UNC13B: variants seen among roughly 807,000 people sequenced by gnomAD.
The protein encoded by UNC13B is protein unc-13 homolog B.
UNC13B carries 144 observed loss-of-function variants against 211.0 expected under a neutral mutation model. That is an observed-to-expected ratio of 0.68 (90% confidence interval 0.60 to 0.78). The LOEUF is 0.78. UNC13B is among the 30% of genes least tolerant of loss of function. The probability of loss-of-function intolerance (pLI) is 0.00; values close to 1 mark genes in which losing one functional copy is unlikely to be tolerated. For synonymous variants in UNC13B, 709 were observed against 725.8 expected, an observed-to-expected ratio of 0.98 and a Z score of 0.37; for missense variants, 1,777 against 2,002.0, an observed-to-expected ratio of 0.89 and a Z score of 2.14.
intron 1 of UNC13B, among the ~76,000 whole-genome samples, chr9:35,223,904 T>C (rs769826762): frequency 5.3e-5 from 8 of 152,204 alleles, no homozygotes; most frequent in Non-Finnish European, 1.0e-4. Context: ...TTATTGAAGA[T>C]ATTATACTTT....
intron 17 of UNC13B, among the ~76,000 whole-genome samples, chr9:35,378,985 T>C (rs893128538): frequency 6.6e-6 from 1 of 152,190 alleles, no homozygotes; most frequent in African/African-American, 2.4e-5. Context: ...TCTTACAAAC[T>C]ATTTCTTATG....
chr9:35,392,190 C>T (rs1296293491), intron 26 of UNC13B, among the ~76,000 whole-genome samples: 2 of 152,174 alleles, frequency 1.3e-5, no homozygotes, highest in African/African-American at 4.8e-5. Flanking sequence ...CTGGCACTTA[C>T]TCAGCACTGA....
Position 35,398,568 on chromosome 9 carries a change from T to C in UNC13B, c.11847T>C (p.Ala3949=), listed in dbSNP as rs1564198484. ...TGTGAATACAGCTGGACCTTGAAGC[T>C]GCAGACAGTCTGAAGGAGCTGCAGG... is the stretch of plus-strand genomic sequence containing the variant. ...AMGGKELDLE[A]ADSLKELQVK... The change falls in exon 32 of 40, where the codon GCT becomes GCC. Residue 3949 remains alanine, a synonymous_variant. Transcript: ENST00000635942. 3.7e-6 allele frequency: 6 copies of C among 1,614,028 alleles called. No individual in the cohort carries two copies. The highest frequency in any genetic ancestry group is 4.2e-6 in the Non-Finnish European group (5 of 1,180,008).
chr9:35,325,321 C>T (rs1012808089), intron 11 of UNC13B, among the ~76,000 whole-genome samples: 2 of 152,116 alleles, frequency 1.3e-5, no homozygotes, highest in African/African-American at 4.8e-5. Context: ...TACCCATTCT[C>T]GCCTATTCTC....
chr9:35,177,691 A>G (rs1423210111), intron 1 of UNC13B, among the ~76,000 whole-genome samples: 3 of 152,204 alleles, frequency 2.0e-5, no homozygotes, highest in South Asian at 4.1e-4. Flanking sequence ...GCACTTAACT[A>G]TGGGTGAGGC....
chr9:35,201,627 G>T (rs1212317449), intron 1 of UNC13B, among the ~76,000 whole-genome samples: 1 of 152,162 alleles, frequency 6.6e-6, no homozygotes, highest in African/African-American at 2.4e-5. Context: ...TTGCATAGAG[G>T]TGTTTATATT....
chr9:35,302,563 T>C lies in UNC13B; in HGVS notation c.3159T>C (p.Asp1053=), dbSNP rs1323565408. The part of the protein sequence containing the change: ...KSDSVTNINN[D]LGKFGNIEEL... ...ATTCAGTTACAAATATTAATAATGA[T>C]CTGGGGAAATTTGGGAATATAGAGG... is the stretch of plus-strand genomic sequence containing the variant. Residue 1053 remains aspartate (D), a synonymous_variant, in exon 9 of 40, where the codon GAT becomes GAC. Transcript: ENST00000635942. 1.3e-5 allele frequency: 5 copies of C among 398,478 alleles called. No homozygotes were observed. Among genetic ancestry groups the C allele is most frequent in the African/African-American group, 6.2e-5 (3 of 48,594 alleles). The allele number at this position is 398,478 out of a possible 1,614,324, so 24.7% of individuals were successfully genotyped here. A position where few individuals can be genotyped will look rare whatever the true frequency, so the allele number is the denominator to read the frequency against.
intron 20 of UNC13B, among the ~76,000 whole-genome samples, 194 bp downstream of exon 20, chr9:35,381,913 C>T (rs1206807830): frequency 1.3e-5 from 2 of 152,176 alleles, no homozygotes. Context: ...TTGTAACTCA[C>T]AGAAAAGGTA....
At chr9:35,254,586 A>G (rs561557936) in intron 6 of UNC13B, among the ~76,000 whole-genome samples, 1 of 152,172 alleles carries the variant, frequency 6.6e-6, no homozygotes, top group Admixed American at 6.5e-5. Context: ...TTTTTTCTCC[A>G]TGTAGGTATT....
rs183760747 is a variant in UNC13B at position 35,404,918 on chromosome 9, G to C, written c.*885G>C. 67 of 152,864 alleles carry C rather than the reference G, an allele frequency of 4.4e-4. 1 individual carries two copies. Among genetic ancestry groups the C allele is most frequent in the African/African-American group, 1.6e-3 (66 of 41,584 alleles). 9.5% of individuals were successfully genotyped at this position (152,864 alleles called of 1,614,324 possible). A position where few individuals can be genotyped will look rare whatever the true frequency, so the allele number is the denominator to read the frequency against. The stretch of plus-strand genomic sequence containing the variant: ...AGTCTAGAAAAAGTCCTGCTCATCT[G>C]TGGCCACTGCCTTCTAGCCGTCCTC... On this transcript the variant is annotated 3_prime_UTR_variant, in exon 40 of 40. Transcript: ENST00000635942.
At chr9:35,397,109 A>G (rs1835934382) in intron 28 of UNC13B, 58 bp from the exon 29 acceptor site, 2 of 1,608,196 alleles carry the variant, frequency 1.2e-6, no homozygotes, top group Admixed American at 3.3e-5. Flanking sequence ...TTCAAACTCT[A>G]CAAGCTTGGG....
intron 11 of UNC13B, among the ~76,000 whole-genome samples, chr9:35,339,791 C>T (rs1831875802): frequency 6.6e-6 from 1 of 152,240 alleles, no homozygotes; most frequent in Non-Finnish European, 1.5e-5. Context: ...GGTGACAAGA[C>T]AGGGTGGGTT....
At chr9:35,183,388 A>G (rs372856838) in intron 1 of UNC13B, among the ~76,000 whole-genome samples, 5 of 115,696 alleles carry the variant, frequency 4.3e-5, no homozygotes, top group Non-Finnish European at 5.5e-5. Flanking sequence ...CACCTCCCAG[A>G]CGGGGCGGCC....
intron 1 of UNC13B, among the ~76,000 whole-genome samples, chr9:35,168,886 T>G (rs1406561590): frequency 3.3e-5 from 5 of 151,848 alleles, no homozygotes; most frequent in Non-Finnish European, 7.4e-5. Flanking sequence ...TTTCCCAGGG[T>G]GGTCTTGAAC....
At chr9:35,176,725 G>A (rs992025367) in intron 1 of UNC13B, among the ~76,000 whole-genome samples, 2 of 152,114 alleles carry the variant, frequency 1.3e-5, no homozygotes, top group Non-Finnish European at 2.9e-5. Context: ...ATAAAATTAC[G>A]AGTAGGAAAA....
At chr9:35,168,249 A>T (rs1049648929) in intron 1 of UNC13B, among the ~76,000 whole-genome samples, 2 of 151,854 alleles carry the variant, frequency 1.3e-5, no homozygotes, top group African/African-American at 4.8e-5. Flanking sequence ...TTTCTTTCCA[A>T]CTTTTAAGTT....
At chr9:35,375,253 A>C in intron 14 of UNC13B, 52 bp downstream of exon 14, 1 of 1,567,924 alleles carries the variant, frequency 6.4e-7, no homozygotes, top group Non-Finnish European at 8.8e-7. Context: ...ACTGGTGATC[A>C]TCTCTGTAGC....
At chr9:35,381,350 A>G in intron 19 of UNC13B, 135 bp downstream of exon 19, 1 of 976,880 alleles carries the variant, frequency 1.0e-6, no homozygotes, top group Non-Finnish European at 1.5e-6. Context: ...GTTACCCTGG[A>G]GAGTCCGAGT....
chr9:35,305,286 G>A lies in UNC13B; in HGVS notation c.5882G>A (p.Gly1961Asp), dbSNP rs1239304474. The change falls in exon 9 of 40, where the codon GGT becomes GAT. Residue 1961 changes from glycine (G) to aspartate (D), a missense_variant. Coordinates refer to ENST00000635942, the MANE Select transcript of UNC13B (RefSeq NM_001371189.2). ...GGATCACCAAACTTAGAAAAGATTGGTGATACAAATGTCAAGATACCACCT... is the reference window on the plus strand; with the variant it reads ...GGATCACCAAACTTAGAAAAGATTGATGATACAAATGTCAAGATACCACCT... Reference protein sequence around the residue: ...KEGSPNLEKIGDTNVKIPPQE... With the variant: ...KEGSPNLEKIDDTNVKIPPQE... 5.0e-6 allele frequency: 2 copies of A among 398,944 alleles called. No homozygotes were observed. Among genetic ancestry groups the A allele is most frequent in the Non-Finnish European group, 8.8e-6 (2 of 226,002 alleles). The allele number at this position is 398,944 out of a possible 1,614,324, so 24.7% of individuals were successfully genotyped here.
Sources: allele counts gnomAD v4.1 joint callset (sites outside exome capture counted in the v4.1 genomes callset), GRCh38; gene constraint gnomAD v4.1.1; transcripts MANE v1.5; gene names NCBI Gene and HGNC (gene_info 2026-07-23, HGNC 2026-07-21).